Variants in PCDH15 observed in about 807,000 individuals in gnomAD.
PCDH15 encodes the protein protocadherin related 15.
Under a neutral mutation model 178.5 loss-of-function variants are expected in PCDH15, and 129 were observed. The observed-to-expected ratio is 0.72, with a 90% CI of 0.63 to 0.84. The LOEUF (loss-of-function observed/expected upper bound fraction) is 0.84. Ranked by LOEUF, PCDH15 falls within the 40% of genes least tolerant of loss-of-function variation. The probability of loss-of-function intolerance (pLI) is 0.00; values close to 1 mark genes in which losing one functional copy is unlikely to be tolerated. For synonymous variants in PCDH15, 800 were observed against 732.0 expected, an observed-to-expected ratio of 1.09 and a Z score of -1.50; for missense variants, 2,230 against 2,099.9, an observed-to-expected ratio of 1.06 and a Z score of -1.21.
intron 18 of PCDH15, among the ~76,000 whole-genome samples, chr10:54,035,177 A>G (rs558778527): frequency 1.8e-4 from 28 of 152,026 alleles, no homozygotes; most frequent in African/African-American, 6.7e-4. Context: ...ATTAAATGAT[A>G]CTGTATACTA....
chr10:55,506,414 G>T (rs1357141478), intron 2 of PCDH15: 1 of 151,500 alleles, frequency 6.6e-6, no homozygotes, highest in Admixed American at 6.6e-5. Context: ...CGTGTCTAAA[G>T]TTGGATAATA....
At chr10:53,851,683 TATATA>T (rs2078373108) in intron 28 of PCDH15, among the ~76,000 whole-genome samples, 1 of 22,014 alleles carries the variant, frequency 4.5e-5, no homozygotes, top group African/African-American at 6.4e-4. Flanking sequence ...TATATATATA[TATATA>T]TATATATATA....
chr10:55,429,212 G>C (rs1337036699), intron 2 of PCDH15, among the ~76,000 whole-genome samples: 1 of 152,096 alleles, frequency 6.6e-6, no homozygotes, highest in East Asian at 1.9e-4. Flanking sequence ...ATTACTATCT[G>C]CTAACTTGTT....
intron 8 of PCDH15, among the ~76,000 whole-genome samples, chr10:54,279,738 A>AT (rs1213726755): frequency 6.6e-6 from 1 of 151,700 alleles, no homozygotes; most frequent in African/African-American, 2.4e-5. Context: ...TCTCAGATAT[A>AT]TAAAAATTAA....
intron 1 of PCDH15, among the ~76,000 whole-genome samples, chr10:55,288,868 T>TAG (rs1253954648): frequency 6.6e-6 from 1 of 150,514 alleles, no homozygotes; most frequent in African/African-American, 2.5e-5. Flanking sequence ...TCAATTCTAT[T>TAG]AGATATATAT....
At chr10:54,696,866 T>G (rs1415744985) in intron 1 of PCDH15, among the ~76,000 whole-genome samples, 2 of 152,104 alleles carry the variant, frequency 1.3e-5, no homozygotes. Flanking sequence ...ATTGCAGGGA[T>G]GGATGTTTTT....
intron 2 of PCDH15, among the ~76,000 whole-genome samples, chr10:55,498,852 T>C (rs1840592674): frequency 6.6e-6 from 1 of 151,812 alleles, no homozygotes; most frequent in African/African-American, 2.4e-5. Context: ...ATGCAGATGT[T>C]ACAGATAGAA....
intron 1 of PCDH15, among the ~76,000 whole-genome samples, chr10:54,764,907 GA>G (rs905121150): frequency 4.0e-5 from 6 of 151,884 alleles, no homozygotes; most frequent in African/African-American, 1.4e-4. Context: ...TTTTTCATTA[GA>G]AAAAAAATTT....
At chr10:53,834,521 T>TG (rs1358414980) in intron 29 of PCDH15, among the ~76,000 whole-genome samples, 7 of 151,280 alleles carry the variant, frequency 4.6e-5, no homozygotes, top group African/African-American at 1.5e-4. Context: ...GAAATGTGTT[T>TG]TTTTTTTTTT....
intron 2 of PCDH15, among the ~76,000 whole-genome samples, chr10:55,329,088 C>T (rs1239275975): frequency 1.3e-5 from 2 of 149,888 alleles, no homozygotes; most frequent in African/African-American, 4.9e-5. Context: ...TTAAATAAGA[C>T]ATGCTCCATG....
At chr10:53,974,040 CAG>C (rs2089984235) in intron 21 of PCDH15, among the ~76,000 whole-genome samples, 3 of 152,194 alleles carry the variant, frequency 2.0e-5, no homozygotes, top group Non-Finnish European at 4.4e-5. Context: ...TTTCTTGAGA[CAG>C]AGTTTCACTC....
At chr10:54,664,909 T>TAAAAA (rs759609948) in intron 1 of PCDH15, among the ~76,000 whole-genome samples, 2 of 126,336 alleles carry the variant, frequency 1.6e-5, no homozygotes, top group African/African-American at 2.9e-5. Flanking sequence ...CCCAGCAAGT[T>TAAAAA]AAAAAAAAAA....
At chr10:55,306,584 C>A (rs997069155) in intron 1 of PCDH15, among the ~76,000 whole-genome samples, 1 of 152,082 alleles carries the variant, frequency 6.6e-6, no homozygotes, top group African/African-American at 2.4e-5. Flanking sequence ...CTATAAATTT[C>A]AAGTGTCAAG....
At chr10:55,508,194 G>A (rs1403866591) in intron 2 of PCDH15, among the ~76,000 whole-genome samples, 1 of 151,632 alleles carries the variant, frequency 6.6e-6, no homozygotes, top group African/African-American at 2.4e-5. Context: ...CATGACTTAA[G>A]AAAATAACAG....
At chr10:55,461,328 C>A (rs1220079450) in intron 2 of PCDH15, among the ~76,000 whole-genome samples, 2 of 152,148 alleles carry the variant, frequency 1.3e-5, no homozygotes, top group African/African-American at 2.4e-5. Context: ...CTATTTCAGG[C>A]AGGAAGGTAA....
rs199914142 is a variant in PCDH15 at position 55,188,287 on chromosome 10, AT to A, written c.-155-21637del. Among the ~76,000 whole-genome samples the A allele has an allele frequency of 5.6e-3, 852 of 150,890 alleles. 5 individuals carry two copies. Among genetic ancestry groups the A allele is most frequent in the African/African-American group, 0.018 (741 of 41,226 alleles). ...TCTATATAATTTTCTCACGCTTTCT[AT>A]TTTTTTTTAAGACAATAATCTGTGA... On this transcript the variant is annotated intron_variant, in intron 1 of 5. Transcript: ENST00000458638.
At chr10:54,693,028 C>A (rs2095155146) in intron 1 of PCDH15, among the ~76,000 whole-genome samples, 1 of 151,826 alleles carries the variant, frequency 6.6e-6, no homozygotes, top group Non-Finnish European at 1.5e-5. Flanking sequence ...AAGTTCCCTC[C>A]CCTCATACCC....
chr10:55,371,243 A>G (rs1845501118), intron 2 of PCDH15, among the ~76,000 whole-genome samples: 1 of 152,122 alleles, frequency 6.6e-6, no homozygotes, highest in Non-Finnish European at 1.5e-5. Context: ...TTATTCTCAA[A>G]TGTGATCTCA....
intron 2 of PCDH15, among the ~76,000 whole-genome samples, chr10:54,578,777 G>A (rs911858998): frequency 6.6e-6 from 1 of 152,024 alleles, no homozygotes; most frequent in African/African-American, 2.4e-5. Context: ...TATACAAAGG[G>A]AACCCAATCA....
Sources: gnomAD v4.1 joint callset for allele counts (sites outside exome capture counted in the v4.1 genomes callset) on GRCh38, gnomAD v4.1.1 for gene constraint, MANE v1.5 for transcripts, NCBI Gene and HGNC (gene_info 2026-07-23, HGNC 2026-07-21) for gene names.